Variants in DOCK9 observed in about 807,000 individuals in gnomAD.
The protein encoded by DOCK9 is dedicator of cytokinesis protein 9.
In DOCK9, 89 loss-of-function variants were observed where a neutral mutation model predicts 263.3. That is an observed-to-expected ratio of 0.34 (90% CI 0.28 to 0.40). The LOEUF (loss-of-function observed/expected upper bound fraction) is 0.40. Among genes scored for constraint, DOCK9 ranks in the 10% least tolerant of loss-of-function variants. The pLI, the probability that DOCK9 is intolerant of heterozygous loss-of-function variation, is 1.00. For missense variants in DOCK9, 2,140 were observed against 2,603.4 expected (o/e 0.82, Z 3.87); for synonymous variants, 976 against 973.1 (o/e 1.00, Z -0.06).
chr13:98,944,761 A>G (rs912063714), intron 2 of DOCK9, among the ~76,000 whole-genome samples: 2 of 152,210 alleles, frequency 1.3e-5, no homozygotes, highest in Non-Finnish European at 2.9e-5. Context: ...ACCTCACTTA[A>G]GGACAGCGGG....
At chr13:98,816,432 C>T (rs991420100) in intron 45 of DOCK9, among the ~76,000 whole-genome samples, 2 of 151,964 alleles carry the variant, frequency 1.3e-5, no homozygotes, top group African/African-American at 2.4e-5. Context: ...TTGCGAGCAA[C>T]GGGTACTGAT....
At chr13:99,027,532 C>T (rs1244897924) in intron 1 of DOCK9, among the ~76,000 whole-genome samples, 1 of 152,160 alleles carries the variant, frequency 6.6e-6, no homozygotes, top group Non-Finnish European at 1.5e-5. Context: ...GATAAGGGAA[C>T]CGCAAGGTCA....
At chr13:99,025,531 C>T (rs1018546497) in intron 1 of DOCK9, among the ~76,000 whole-genome samples, 1 of 152,172 alleles carries the variant, frequency 6.6e-6, no homozygotes, top group African/African-American at 2.4e-5. Context: ...CCAATTCGAT[C>T]GGCTTTGCTA....
At chr13:98,816,353 G>A (rs2091850624) in intron 45 of DOCK9, among the ~76,000 whole-genome samples, 1 of 152,074 alleles carries the variant, frequency 6.6e-6, no homozygotes, top group Non-Finnish European at 1.5e-5. Context: ...AAGACACGGA[G>A]GACAGAGGAA....
chr13:98,841,817 G>A (rs1399507729), intron 38 of DOCK9, among the ~76,000 whole-genome samples: 4 of 138,066 alleles, frequency 2.9e-5, no homozygotes, highest in Non-Finnish European at 6.6e-5. Flanking sequence ...ATTATTATTT[G>A]TTTTTAGTAG....
chr13:98,804,987 T>TG lies in DOCK9; in HGVS notation c.5725+11dup. The TG allele has an allele frequency of 6.3e-7, 1 of 1,590,482 alleles. No individual in the cohort carries two copies. The highest frequency in any genetic ancestry group is 8.6e-7 in the Non-Finnish European group (1 of 1,168,488). ...TCCGGGCTCGTGTCCATGCGGCTTC[T>TG]GGGGCCCATACCTGTCAGGATGGTG... On this transcript the variant is annotated intron_variant, in intron 49 of 52. Coordinates refer to ENST00000682017, the MANE Select transcript of DOCK9 (RefSeq NM_001366683.2).
intron 30 of DOCK9, among the ~76,000 whole-genome samples, chr13:98,863,789 A>C (rs1386655593): frequency 6.6e-6 from 1 of 152,186 alleles, no homozygotes. Flanking sequence ...AGTGCACTGG[A>C]TTTTGGAACA....
intron 5 of DOCK9, among the ~76,000 whole-genome samples, chr13:98,922,962 GC>G (rs754683052): frequency 5.9e-5 from 9 of 152,160 alleles, no homozygotes; most frequent in Non-Finnish European, 1.2e-4. Flanking sequence ...CTACTGGCTG[GC>G]AGCTGTTTCG....
intron 7 of DOCK9, among the ~76,000 whole-genome samples, chr13:98,920,698 A>AGCCT (rs1212357838): frequency 1.3e-5 from 2 of 152,258 alleles, no homozygotes; most frequent in South Asian, 2.1e-4. Flanking sequence ...TGAATTAAGT[A>AGCCT]GCCTGTTAAA....
chr13:98,989,401 C>A (rs1247399323), intron 1 of DOCK9, among the ~76,000 whole-genome samples: 9 of 151,660 alleles, frequency 5.9e-5, no homozygotes, highest in South Asian at 4.2e-4. Flanking sequence ...TCCAGGACCT[C>A]ACCCAGAACT....
chr13:98,848,117 T>C (rs1406624166), intron 37 of DOCK9, among the ~76,000 whole-genome samples: 10 of 152,146 alleles, frequency 6.6e-5, no homozygotes, highest in Non-Finnish European at 1.3e-4. Flanking sequence ...TCCACACAAA[T>C]TTGGGATGGA....
intron 45 of DOCK9, chr13:98,820,804 A>T (rs1270268752): frequency 1.3e-5 from 3 of 237,988 alleles, no homozygotes; most frequent in Non-Finnish European, 1.7e-5. Context: ...TGATCCCTTA[A>T]CCATAAACAT....
At chr13:99,086,778 C>T (rs1301517493), upstream of DOCK9, among the ~76,000 whole-genome samples, 4 of 148,878 alleles carry the variant, frequency 2.7e-5, no homozygotes, top group Non-Finnish European at 6.0e-5. Flanking sequence ...GGCAGGTCGG[C>T]GCGGCCCGGC....
intron 39 of DOCK9, among the ~76,000 whole-genome samples, chr13:98,833,614 A>C (rs2092858525): frequency 6.6e-6 from 1 of 152,186 alleles, no homozygotes; most frequent in African/African-American, 2.4e-5. Flanking sequence ...GCAAGAATGG[A>C]GTTAAAGCTC....
intron 45 of DOCK9, among the ~76,000 whole-genome samples, chr13:98,823,059 T>G (rs1201990404): frequency 1.3e-5 from 2 of 152,086 alleles, no homozygotes; most frequent in African/African-American, 4.8e-5. Context: ...TACTTATTAA[T>G]TTAATGAAAA....
At chr13:98,953,984 A>G (rs1480077344) in intron 2 of DOCK9, among the ~76,000 whole-genome samples, 1 of 152,064 alleles carries the variant, frequency 6.6e-6, no homozygotes, top group African/African-American at 2.4e-5. Flanking sequence ...GAAAATTCTC[A>G]CCTCTGTTGT....
At chr13:98,914,742 G>A (rs1201348834) in intron 8 of DOCK9, among the ~76,000 whole-genome samples, 3 of 152,116 alleles carry the variant, frequency 2.0e-5, no homozygotes, top group African/African-American at 7.2e-5. Context: ...TGTGGGACCA[G>A]GTAAATGGTA....
chr13:98,833,790 T>G (rs1170231479), intron 39 of DOCK9, among the ~76,000 whole-genome samples: 1 of 152,236 alleles, frequency 6.6e-6, no homozygotes, highest in South Asian at 2.1e-4. Context: ...TCACTTTTCT[T>G]CCCTCTTTTT....
chr13:98,889,848 C>A (rs1236101621), intron 15 of DOCK9, among the ~76,000 whole-genome samples: 3 of 152,178 alleles, frequency 2.0e-5, no homozygotes, highest in Admixed American at 2.0e-4. Flanking sequence ...TGTGGGTGCA[C>A]AGCTGGGTGC....
Sources: gnomAD v4.1 joint callset for allele counts (sites outside exome capture counted in the v4.1 genomes callset) on GRCh38, gnomAD v4.1.1 for gene constraint, MANE v1.5 for transcripts, NCBI Gene and HGNC (gene_info 2026-07-23, HGNC 2026-07-21) for gene names.